The following FMNL3 variants were observed in gnomAD, a reference collection of about 807,000 sequenced individuals.
FMNL3 encodes the protein formin like 3.
Under a neutral mutation model 119.6 loss-of-function variants are expected in FMNL3, and 57 were observed. The ratio of observed to expected loss-of-function variants is 0.48; its 90% CI spans 0.39 to 0.59. The LOEUF (loss-of-function observed/expected upper bound fraction) is 0.59, where lower values mean the gene tolerates loss of function less well. FMNL3 is among the 20% of genes least tolerant of loss of function. The pLI is 0.00. For missense variants in FMNL3, 1,053 were observed against 1,323.5 expected, an observed-to-expected ratio of 0.80 and a Z score of 3.17; for synonymous variants, 491 against 507.3, an observed-to-expected ratio of 0.97 and a Z score of 0.43.
Position 49,642,763 on chromosome 12 carries a change from C to G in FMNL3, c.*3052G>C. On this transcript the variant is annotated 3_prime_UTR_variant, in exon 26 of 26. Transcript: ENST00000335154. This position sits in a 1 kb window ranked among gnomAD's most constrained non-coding sequence, Gnocchi z 5.8. ...GAGACCTCAGTGGCCTCCCTCTTAC[C>G]CTTAGGGCACTCCTGGCCAGCTAAG... 1 of 1,466,338 alleles carries G rather than the reference C, an allele frequency of 6.8e-7. No individual in the cohort carries two copies. 90.8% of individuals were successfully genotyped at this position (1,466,338 alleles called of 1,614,324 possible). A position where few individuals can be genotyped will look rare whatever the true frequency, so the allele number is the denominator to read the frequency against.
chr12:49,643,400 A>G lies in FMNL3; in HGVS notation c.*2415T>C. 1.3e-6 allele frequency: 2 copies of G among 1,552,292 alleles called. No individual in the cohort carries two copies. The highest frequency in any genetic ancestry group is 1.7e-6 in the Non-Finnish European group (2 of 1,151,762). Reference sequence around the variant, plus strand: ...TTCCTCCCATCTTCTTGGAGCAGGTAAGCAGTTGCTGTGAGCGTAGAAGCT... The same window carrying G: ...TTCCTCCCATCTTCTTGGAGCAGGTGAGCAGTTGCTGTGAGCGTAGAAGCT... On this transcript the variant is annotated 3_prime_UTR_variant, in exon 26 of 26. Coordinates refer to ENST00000335154, the MANE Select transcript of FMNL3 (RefSeq NM_175736.5).
Position 49,637,958 on chromosome 12 carries a change from T to G in FMNL3, c.*7857A>C. The stretch of plus-strand genomic sequence containing the variant: ...GCAGATATCTACTGTGATCCTTTAC[T>G]GCACACTAGGGATACAGTAATGAAT... On this transcript the variant is annotated 3_prime_UTR_variant, in exon 26 of 26. Transcript: ENST00000335154. The G allele has an allele frequency of 1.5e-6, 1 of 682,812 alleles. No homozygotes were observed. The highest frequency in any genetic ancestry group is 2.6e-6 in the Non-Finnish European group (1 of 386,964). The allele number at this position is 682,812 out of a possible 1,614,324, so 42.3% of individuals were successfully genotyped here.
At position 49,693,635 on chromosome 12, in the gene FMNL3, GGTTTTT is replaced by G. The variant is rs1271388630; in HGVS notation, c.126+13414_126+13419del. Reference sequence around the variant, plus strand: ...CCACCCGCCTCAGCCTCCCAATCTTGGTTTTTTTTTTTTTTTTTTTTTTTTTTTTTG... The same window carrying G: ...CCACCCGCCTCAGCCTCCCAATCTTGTTTTTTTTTTTTTTTTTTTTTTTTG... On this transcript the variant is annotated intron_variant, in intron 1 of 25. Transcript: ENST00000335154. Among the ~76,000 whole-genome samples, 41 of 21,212 alleles carry G rather than the reference GGTTTTT, an allele frequency of 1.9e-3. 3 individuals carry two copies. The highest frequency in any genetic ancestry group is 4.1e-3 in the African/African-American group (37 of 9,020). The allele number at this position is 21,212 out of a possible 152,430, so 13.9% of individuals were successfully genotyped here.
At chr12:49,668,255 A>C (rs959597116) in intron 2 of FMNL3, among the ~76,000 whole-genome samples, 2 of 152,246 alleles carry the variant, frequency 1.3e-5, no homozygotes, top group Non-Finnish European at 2.9e-5. Flanking sequence ...GAAGAAATCA[A>C]GACAGCTCTT....
Position 49,671,233 on chromosome 12 carries a change from G to C in FMNL3, c.127-2679C>G, listed in dbSNP as rs57703598. Among the ~76,000 whole-genome samples the C allele has an allele frequency of 7.6e-3, 1,162 of 152,352 alleles. 13 individuals are homozygous for C. The highest frequency in any genetic ancestry group is 0.026 in the African/African-American group (1,093 of 41,572). ...AAAAACTGGGCAAAGTCACCCCCTT[G>C]GGGAGTCCTGGCCTAAGAGCATGGA... is the stretch of plus-strand genomic sequence containing the variant. On this transcript the variant is annotated intron_variant, in intron 1 of 25. Transcript: ENST00000335154.
chr12:49,643,021 G>A lies in FMNL3; in HGVS notation c.*2794C>T, dbSNP rs1942878769. ...AAGCGTTCCCACTCACCCTCAGTGA[G>A]TAAGCGTGTAGAAGGGACATGGGGT... is the stretch of plus-strand genomic sequence containing the variant. On this transcript the variant is annotated 3_prime_UTR_variant, in exon 26 of 26. Coordinates refer to ENST00000335154, the MANE Select transcript of FMNL3 (RefSeq NM_175736.5). 2 of 1,613,400 alleles carry A rather than the reference G, an allele frequency of 1.2e-6. No individual in the cohort carries two copies. The highest frequency in any genetic ancestry group is 2.7e-5 in the African/African-American group (2 of 75,048).
intron 9 of FMNL3, among the ~76,000 whole-genome samples, chr12:49,655,825 A>T (rs1397900772): frequency 6.6e-6 from 1 of 152,162 alleles, no homozygotes; most frequent in Non-Finnish European, 1.5e-5. Context: ...TGGGACCACC[A>T]GCTGTGGCTG....
chr12:49,706,961 G>T (rs929029567), intron 1 of FMNL3, 94 bp downstream of exon 1: 3 of 1,400,526 alleles, frequency 2.1e-6, no homozygotes, highest in Non-Finnish European at 2.9e-6. Flanking sequence ...CGACTGAAAG[G>T]GTGGGCGGGA....
intron 1 of FMNL3, among the ~76,000 whole-genome samples, chr12:49,694,588 T>G (rs1944700665): frequency 6.6e-6 from 1 of 152,152 alleles, no homozygotes; most frequent in Non-Finnish European, 1.5e-5. Context: ...ATAGTCAGTC[T>G]TCAAAATTTC....
chr12:49,693,018 G>C (rs534011873), intron 1 of FMNL3, among the ~76,000 whole-genome samples: 2 of 152,310 alleles, frequency 1.3e-5, no homozygotes, highest in Non-Finnish European at 2.9e-5. Context: ...GTGGAACTTC[G>C]TAAACAGGAG....
In FMNL3 at chr12:49,649,092, C is replaced by T. The variant is rs774748895; in HGVS notation, c.2452G>A (p.Glu818Lys). ...AAGTTAGCCAGGTCTGGGTATTTCT[C>T]CTTCACTGTCAAGGCGATGAAATGA... The part of the protein sequence containing the change: ...LLHFIALTVK[E>K]KYPDLANFWH... The change falls in exon 21 of 26, where the codon GAG (glutamate) becomes AAG (lysine). Residue 818 changes from glutamate to lysine, a missense_variant. Glu to Lys is a moderately conservative substitution (Grantham distance 56, BLOSUM62 1). This residue lies in a region of FMNL3 where 324 missense variants were observed against 380.9 expected (regional missense o/e 0.85). Transcript: ENST00000335154. The surrounding 1 kb of genome is among the most constrained non-coding windows in gnomAD (Gnocchi z 5.6). 4 of 1,613,686 alleles carry T rather than the reference C, an allele frequency of 2.5e-6. No individual in the cohort carries two copies. The highest frequency in any genetic ancestry group is 2.5e-6 in the Non-Finnish European group (3 of 1,179,730).
rs1398825927 is a variant in FMNL3, at chr12:49,651,163, G to C, written c.1797+5C>G. The C allele has an allele frequency of 2.6e-5, 42 of 1,611,976 alleles. No homozygotes were observed. The highest frequency in any genetic ancestry group is 3.6e-5 in the Non-Finnish European group (42 of 1,178,240). On this transcript the variant is annotated splice_donor_5th_base_variant and intron_variant, in intron 16 of 25. Coordinates refer to ENST00000335154, the MANE Select transcript of FMNL3 (RefSeq NM_175736.5). The stretch of plus-strand genomic sequence containing the variant: ...CTTAGCCCTCTGGACCCCAGGCCCT[G>C]TTACCTCCAAGATCTTCTCATCATC...
intron 1 of FMNL3, among the ~76,000 whole-genome samples, chr12:49,700,390 T>TAAA (rs1412204089): frequency 1.5e-5 from 1 of 68,168 alleles, no homozygotes; most frequent in African/African-American, 9.6e-5. Flanking sequence ...AGAATCCGTC[T>TAAA]CAAAAAAAAA....
chr12:49,668,346 T>C (rs1565881227), intron 2 of FMNL3, 125 bp downstream of exon 2: 1 of 826,660 alleles, frequency 1.2e-6, no homozygotes, highest in Non-Finnish European at 2.0e-6. Context: ...TGAACACAGA[T>C]GAGGCCAAGC....
At position 49,666,006 on chromosome 12, in the gene FMNL3, C is replaced by A. The variant is rs1943880756; in HGVS notation, c.292-98G>T. ...ATTCCAGGCCCTTGGCCACAGAACC[C>A]TGAAATCCAACTCCCAATGCTCAGA... On this transcript the variant is annotated intron_variant, in intron 3 of 25. Coordinates refer to ENST00000335154, the MANE Select transcript of FMNL3 (RefSeq NM_175736.5). The A allele has an allele frequency of 3.2e-6, 5 of 1,548,864 alleles. No individual in the cohort carries two copies. The Admixed American group carries it at 8.4e-5, about 26-fold the overall frequency.
Position 49,647,534 on chromosome 12 carries a change from C to T in FMNL3, c.2779-166G>A, listed in dbSNP as rs1233044334. ...AAACAATGACAGGAAGGTCCTGGGCCCCACCCTGCCCACCAGTTCACAGCT... is the reference window on the plus strand; with the variant it reads ...AAACAATGACAGGAAGGTCCTGGGCTCCACCCTGCCCACCAGTTCACAGCT... On this transcript the variant is annotated intron_variant, in intron 23 of 25. Transcript: ENST00000335154. This position sits in a 1 kb window ranked among gnomAD's most constrained non-coding sequence, Gnocchi z 4.9. Among the ~76,000 whole-genome samples the T allele has an allele frequency of 6.6e-6, 1 of 152,056 alleles. No individual in the cohort carries two copies. Among genetic ancestry groups the T allele is most frequent in the Admixed American group, 6.5e-5 (1 of 15,274 alleles).
intron 25 of FMNL3, 96 bp from the exon 26 acceptor site, chr12:49,645,999 A>C: frequency 9.7e-7 from 1 of 1,031,936 alleles, no homozygotes; most frequent in Non-Finnish European, 1.4e-6. Flanking sequence ...GGGAGGAGCC[A>C]GCAGTGAGGC....
intron 1 of FMNL3, among the ~76,000 whole-genome samples, chr12:49,674,896 C>G (rs1419344880): frequency 3.9e-5 from 6 of 152,210 alleles, no homozygotes; most frequent in Admixed American, 6.5e-5. Flanking sequence ...TTGAGCTCTG[C>G]AGTTCACACC....
At chr12:49,675,122 T>C (rs1264909471) in intron 1 of FMNL3, among the ~76,000 whole-genome samples, 2 of 152,156 alleles carry the variant, frequency 1.3e-5, no homozygotes, top group Non-Finnish European at 2.9e-5. Context: ...ATACCTGACA[T>C]GAGATAACCT....
Sources: allele counts gnomAD v4.1 joint callset (sites outside exome capture counted in the v4.1 genomes callset), GRCh38; gene constraint gnomAD v4.1.1; regional missense constraint gnomAD v4.1.1; non-coding constraint Gnocchi (gnomAD v3.1); transcripts MANE v1.5; gene names NCBI Gene and HGNC (gene_info 2026-07-23, HGNC 2026-07-21).